The following MICU1 variants were observed in gnomAD, a reference collection of about 807,000 sequenced individuals.
MICU1 encodes the protein mitochondrial calcium uptake 1, also known as calcium uptake protein 1, mitochondrial.
In MICU1, 45 loss-of-function variants were observed where a neutral mutation model predicts 56.8. That is an observed-to-expected ratio of 0.79 (90% confidence interval 0.62 to 1.02). The LOEUF (loss-of-function observed/expected upper bound fraction) is 1.02. MICU1 is among the 50% of genes least tolerant of loss of function. The pLI is 0.00. For synonymous variants in MICU1, 186 were observed against 195.1 expected (o/e 0.95, Z 0.39); for missense variants, 504 against 587.1 (o/e 0.86, Z 1.46).
intron 3 of MICU1, among the ~76,000 whole-genome samples, chr10:72,560,848 C>T (rs556228161): frequency 7.2e-5 from 11 of 151,820 alleles, no homozygotes; most frequent in East Asian, 5.8e-4. Context: ...CCAGCCTGGG[C>T]GACAGACCGA....
intron 3 of MICU1, among the ~76,000 whole-genome samples, chr10:72,556,723 T>C (rs894439778): frequency 2.0e-5 from 3 of 152,138 alleles, no homozygotes; most frequent in African/African-American, 7.2e-5. Context: ...ATCTTATTGA[T>C]GGTAAAAGCA....
rs538650727 is a variant in MICU1, at chr10:72,369,706, T to C, written c.1271-1351A>G. On this transcript the variant is annotated intron_variant, in intron 11 of 11. Coordinates refer to ENST00000361114, the MANE Select transcript of MICU1 (RefSeq NM_001195518.2). ...AGAGCATCTGTTTTTTTTTTTGTTG[T>C]TGTTGTTGTTTGTTTGTTTTGAGAC... 1.6e-4 allele frequency among the ~76,000 whole-genome samples: 24 copies of C among 151,726 alleles called. No homozygotes were observed. The South Asian group carries it at 4.8e-3, about 30-fold the overall frequency.
intron 4 of MICU1, among the ~76,000 whole-genome samples, chr10:72,541,125 A>G (rs1839763274): frequency 6.6e-6 from 1 of 152,248 alleles, no homozygotes; most frequent in Non-Finnish European, 1.5e-5. Flanking sequence ...TTCTAGTCTC[A>G]TAGGCTAGCT....
intron 5 of MICU1, chr10:72,524,732 T>C (rs1589307753): frequency 5.7e-6 from 7 of 1,231,866 alleles, no homozygotes; most frequent in Non-Finnish European, 7.1e-6. Flanking sequence ...GCTGAGTCAG[T>C]ACCTGCCAGA....
At chr10:72,432,419 C>G (rs1864569882) in intron 8 of MICU1, among the ~76,000 whole-genome samples, 2 of 152,026 alleles carry the variant, frequency 1.3e-5, no homozygotes, top group Admixed American at 1.3e-4. Flanking sequence ...CATGAGCCAC[C>G]CTGCCTGCCA....
intron 9 of MICU1, among the ~76,000 whole-genome samples, chr10:72,420,732 T>C (rs1183037497): frequency 2.0e-5 from 3 of 151,722 alleles, no homozygotes; most frequent in Non-Finnish European, 4.4e-5. Context: ...TGGAGTGCAG[T>C]AGCATGATCA....
intron 3 of MICU1, among the ~76,000 whole-genome samples, chr10:72,552,418 T>C (rs1465652455): frequency 6.6e-6 from 1 of 152,158 alleles, no homozygotes; most frequent in African/African-American, 2.4e-5. Flanking sequence ...GTTGAAATAG[T>C]CAACAATAAA....
At position 72,562,928 on chromosome 10, in the gene MICU1, T is replaced by C; in HGVS notation, c.297A>G (p.Lys99=). 6.2e-7 allele frequency: 1 copy of C among 1,602,004 alleles called. No homozygotes were observed. Among genetic ancestry groups the C allele is most frequent in the Non-Finnish European group, 8.5e-7 (1 of 1,175,942 alleles). The change falls in exon 3 of 12, where the codon AAA becomes AAG. Residue 99 remains lysine (K), a synonymous_variant. Transcript: ENST00000361114. ...CTCTGAATCCAGAACGTTTCTTCTT[T>C]TTCTCTTCTGGGTGAGGGGCAAGAT... The part of the protein sequence containing the change: ...TADLAPHPEE[K]KKKRSGFRDR...
chr10:72,470,431 A>C (rs762558024), intron 8 of MICU1, among the ~76,000 whole-genome samples: 14 of 152,180 alleles, frequency 9.2e-5, no homozygotes, highest in Non-Finnish European at 2.1e-4. Context: ...TATTTGGCTC[A>C]TGGTTTTGGA....
At chr10:72,475,416 C>T (rs985616503) in intron 7 of MICU1, 119 bp from the exon 8 acceptor site, 6 of 938,014 alleles carry the variant, frequency 6.4e-6, no homozygotes, top group Non-Finnish European at 9.1e-6. Context: ...ATAATTATCT[C>T]TTTTAATGCT....
intron 1 of MICU1, among the ~76,000 whole-genome samples, chr10:72,575,532 C>T (rs761952520): frequency 6.6e-6 from 1 of 152,196 alleles, no homozygotes; most frequent in Non-Finnish European, 1.5e-5. Flanking sequence ...CTGTTTCAAA[C>T]AAGTCCATTG....
intron 11 of MICU1, among the ~76,000 whole-genome samples, chr10:72,375,487 C>A (rs1320412978): frequency 1.3e-5 from 2 of 152,210 alleles, no homozygotes; most frequent in African/African-American, 4.8e-5. Context: ...CGCTAAGTAG[C>A]AAGTTGAGTC....
intron 1 of MICU1, among the ~76,000 whole-genome samples, chr10:72,583,871 C>T (rs986399052): frequency 1.3e-5 from 2 of 152,150 alleles, no homozygotes; most frequent in African/African-American, 2.4e-5. Context: ...CATTTCATAG[C>T]TTAAAGTGAC....
intron 11 of MICU1, among the ~76,000 whole-genome samples, chr10:72,373,366 G>C: frequency 6.6e-6 from 1 of 151,798 alleles, no homozygotes; most frequent in East Asian, 1.9e-4. Context: ...TTGTAGCGAT[G>C]GGATCTCGCT....
At chr10:72,559,490 T>G (rs1397382607) in intron 3 of MICU1, among the ~76,000 whole-genome samples, 1 of 151,668 alleles carries the variant, frequency 6.6e-6, no homozygotes, top group Non-Finnish European at 1.5e-5. Flanking sequence ...TTTGAAATAT[T>G]ACATAAAAAT....
At chr10:72,492,635 T>C (rs1402553494) in intron 6 of MICU1, among the ~76,000 whole-genome samples, 4 of 151,546 alleles carry the variant, frequency 2.6e-5, no homozygotes, top group Non-Finnish European at 5.9e-5. Flanking sequence ...TGGTGGCATA[T>C]GCCTGTAATC....
chr10:72,571,595 GTCTA>G lies in MICU1; in HGVS notation c.-1-4805_-1-4802del, dbSNP rs528208845. ...GTAAAAACGGGTTAAAGCATTATCA[GTCTA>G]TCTATTAGCAGTGCATGGAATAAAC... is the stretch of plus-strand genomic sequence containing the variant. On this transcript the variant is annotated intron_variant, in intron 1 of 11. Transcript: ENST00000361114. 2.3e-3 allele frequency among the ~76,000 whole-genome samples: 344 copies of G among 152,278 alleles called. 1 individual carries two copies. Among genetic ancestry groups the G allele is most frequent in the African/African-American group, 7.7e-3 (322 of 41,552 alleles).
intron 8 of MICU1, among the ~76,000 whole-genome samples, chr10:72,456,738 G>T (rs1286981444): frequency 6.6e-6 from 1 of 151,896 alleles, no homozygotes; most frequent in Non-Finnish European, 1.5e-5. Flanking sequence ...ACTCAGGCTG[G>T]TATGCAGTGG....
chr10:72,433,748 C>T (rs1309237457), intron 8 of MICU1, among the ~76,000 whole-genome samples: 1 of 152,132 alleles, frequency 6.6e-6, no homozygotes, highest in Non-Finnish European at 1.5e-5. Flanking sequence ...CTTTCATTGG[C>T]TTATATTCTT....
Sources: gnomAD v4.1 joint callset for allele counts (sites outside exome capture counted in the v4.1 genomes callset) on GRCh38, gnomAD v4.1.1 for gene constraint, MANE v1.5 for transcripts, NCBI Gene and HGNC (gene_info 2026-07-23, HGNC 2026-07-21) for gene names.